Variants in SPRY3 observed in about 807,000 individuals in gnomAD.
The protein encoded by SPRY3 is sprouty RTK signaling antagonist 3.
Under a neutral mutation model 20.2 loss-of-function variants are expected in SPRY3, and 15 were observed. The ratio of observed to expected loss-of-function variants is 0.74; its 90% CI spans 0.50 to 1.14. The LOEUF (loss-of-function observed/expected upper bound fraction) is 1.14. Ranked by LOEUF, SPRY3 falls within the 50% of genes most tolerant of loss-of-function variation. The pLI, the probability that SPRY3 is intolerant of heterozygous loss-of-function variation, is 0.00. For synonymous variants in SPRY3, 143 were observed against 136.5 expected (o/e 1.05, Z -0.33); for missense variants, 364 against 363.9 (o/e 1.00, Z 0.00).
chrX:155,739,638 C>G (rs1047079637), intron 2 of SPRY3, among the ~76,000 whole-genome samples: 4 of 152,132 alleles, frequency 2.6e-5, no homozygotes, highest in African/African-American at 4.8e-5. Context: ...TGTTTTGCAG[C>G]CTTCACTGGT....
chrX:155,688,460 C>T (rs1462362591), intron 2 of SPRY3, among the ~76,000 whole-genome samples: 1 of 111,354 alleles, frequency 9.0e-6, no homozygotes, highest in African/African-American at 3.3e-5. Context: ...GGAATTGCCA[C>T]ACTGTCTTCC....
At chrX:155,764,006 C>T (rs2091314685) in intron 2 of SPRY3, among the ~76,000 whole-genome samples, 1 of 152,066 alleles carries the variant, frequency 6.6e-6, no homozygotes, top group Non-Finnish European at 1.5e-5. Context: ...AAGATATTTC[C>T]AAGGCAGGGT....
chrX:155,675,940 G>A, intron 2 of SPRY3, among the ~76,000 whole-genome samples: 1 of 111,557 alleles, frequency 9.0e-6, no homozygotes, highest in East Asian at 2.8e-4. Context: ...GGTCATACAT[G>A]TTCATTCCTG....
At chrX:155,644,727 C>T (rs782024517) in intron 1 of SPRY3, among the ~76,000 whole-genome samples, 2 of 110,181 alleles carry the variant, frequency 1.8e-5, no homozygotes, top group South Asian at 4.0e-4. Flanking sequence ...TAGATTCACC[C>T]TTCAGGAATG....
Position 155,690,043 on chromosome X carries a change from G to A in SPRY3, c.-282+33018G>A, listed in dbSNP as rs1326326205. On this transcript the variant is annotated intron_variant, in intron 2 of 3. Coordinates refer to ENST00000675360, the Ensembl canonical transcript of SPRY3. ...TCTTTGTTCTCATCAGTTTCAAAGAGCTTCTTGATTTCTGCCTTAATTTCA... is the reference window on the plus strand; with the variant it reads ...TCTTTGTTCTCATCAGTTTCAAAGAACTTCTTGATTTCTGCCTTAATTTCA... Among the ~76,000 whole-genome samples, 2 of 88,329 alleles carry A rather than the reference G, an allele frequency of 2.3e-5. 1 individual carries two copies. Among genetic ancestry groups the A allele is most frequent in the African/African-American group, 1.1e-4 (2 of 18,429 alleles). 76.7% of individuals were successfully genotyped at this position (88,329 alleles called of 115,157 possible).
chrX:155,778,665 G>T (rs1448955217), downstream of SPRY3: 1 of 167,016 alleles, frequency 6.0e-6, no homozygotes, highest in African/African-American at 2.4e-5. Context: ...ATGACCACTG[G>T]TCCGTATAAC....
intron 2 of SPRY3, among the ~76,000 whole-genome samples, chrX:155,719,575 C>T (rs2091043027): frequency 6.6e-6 from 1 of 152,012 alleles, no homozygotes; most frequent in Non-Finnish European, 1.5e-5. Context: ...CTTCCTTCCA[C>T]CTAAGGAAAG....
intron 2 of SPRY3, among the ~76,000 whole-genome samples, chrX:155,738,824 A>G (rs1349401320): frequency 1.3e-5 from 2 of 152,158 alleles, no homozygotes; most frequent in African/African-American, 2.4e-5. Context: ...GAGACACAGG[A>G]GCTTTGCATA....
chrX:155,670,469 G>A (rs1418771856), intron 2 of SPRY3, among the ~76,000 whole-genome samples: 3 of 111,712 alleles, frequency 2.7e-5, no homozygotes, highest in African/African-American at 9.7e-5. Context: ...GGGCAGTGGA[G>A]AAATCACTTA....
chrX:155,732,391 T>C (rs1162026376), intron 2 of SPRY3, among the ~76,000 whole-genome samples: 1 of 151,870 alleles, frequency 6.6e-6, no homozygotes, highest in Non-Finnish European at 1.5e-5. Flanking sequence ...CAAATGGCAG[T>C]CATATGAAAA....
chrX:155,684,800 A>G (rs2124569531), intron 2 of SPRY3, among the ~76,000 whole-genome samples: 1 of 111,352 alleles, frequency 9.0e-6, no homozygotes, highest in Non-Finnish European at 1.9e-5. Context: ...CTCTGAAAGC[A>G]GGTTTGCTGG....
intron 2 of SPRY3, among the ~76,000 whole-genome samples, chrX:155,751,342 A>G (rs2124582635): frequency 6.6e-6 from 1 of 152,064 alleles, no homozygotes; most frequent in Admixed American, 6.6e-5. Flanking sequence ...GCTTTACTGC[A>G]GCAGCTACTG....
At chrX:155,770,329 A>T (rs2091373112) in intron 3 of SPRY3, among the ~76,000 whole-genome samples, 1 of 152,176 alleles carries the variant, frequency 6.6e-6, no homozygotes, top group Admixed American at 6.5e-5. Context: ...CCAGGGAGAA[A>T]ATACATTTTC....
intron 1 of SPRY3, among the ~76,000 whole-genome samples, chrX:155,636,331 A>G (rs1321676624): frequency 8.9e-6 from 1 of 111,969 alleles, no homozygotes; most frequent in African/African-American, 3.3e-5. Context: ...TTGTATTTCT[A>G]TGCTGAATAG....
chrX:155,777,102 TACTTTAC>T (rs1329642764), downstream of SPRY3: 2 of 166,996 alleles, frequency 1.2e-5, no homozygotes, highest in Non-Finnish European at 2.9e-5. Flanking sequence ...TGCTTGATTG[TACTTTAC>T]ACTTATCTAC....
chrX:155,714,324 G>T (rs954766165), intron 2 of SPRY3, among the ~76,000 whole-genome samples: 1 of 152,150 alleles, frequency 6.6e-6, no homozygotes, highest in Admixed American at 6.5e-5. Flanking sequence ...CAAAATACGG[G>T]CTTGTTTCTG....
intron 1 of SPRY3, among the ~76,000 whole-genome samples, chrX:155,625,101 CTT>C (rs782642471): frequency 6.4e-4 from 72 of 111,632 alleles, no homozygotes; most frequent in Non-Finnish European, 1.2e-3. Context: ...TTTTAAAACA[CTT>C]TTTTGATCAA....
chrX:155,670,936 A>G (rs1195714966), intron 2 of SPRY3, among the ~76,000 whole-genome samples: 2 of 111,983 alleles, frequency 1.8e-5, no homozygotes, highest in Non-Finnish European at 3.8e-5. Flanking sequence ...CCTTGAGGAA[A>G]TCTGTACCAA....
At chrX:155,732,651 A>T (rs2091141376) in intron 2 of SPRY3, among the ~76,000 whole-genome samples, 1 of 152,228 alleles carries the variant, frequency 6.6e-6, no homozygotes, top group African/African-American at 2.4e-5. Flanking sequence ...ACTGTTGGGT[A>T]TATACCCAAA....
Sources: allele counts gnomAD v4.1 joint callset (sites outside exome capture counted in the v4.1 genomes callset), GRCh38; gene constraint gnomAD v4.1.1; transcripts MANE v1.5; gene names NCBI Gene and HGNC (gene_info 2026-07-23, HGNC 2026-07-21).